GRIA4: variants seen among roughly 807,000 people sequenced by gnomAD.
GRIA4 encodes glutamate receptor 4.
A neutral mutation model predicts 104.0 loss-of-function variants in GRIA4; 34 were observed. That is an observed-to-expected ratio of 0.33 (90% CI 0.25 to 0.44). GRIA4 has a LOEUF of 0.44. Among genes scored for constraint, GRIA4 ranks in the 20% least tolerant of loss-of-function variants. The probability of loss-of-function intolerance (pLI) is 1.00; values close to 1 mark genes in which losing one functional copy is unlikely to be tolerated. For missense variants in GRIA4, 750 were observed against 1,096.5 expected (o/e 0.68, Z 4.46); for synonymous variants, 386 against 381.9 (o/e 1.01, Z -0.13).
intron 3 of GRIA4, among the ~76,000 whole-genome samples, chr11:105,705,148 T>C (rs1220190793): frequency 1.3e-5 from 2 of 152,096 alleles, no homozygotes; most frequent in African/African-American, 4.8e-5. Flanking sequence ...GGTAACACAT[T>C]TGGGGCATCA....
At chr11:105,796,682 A>G (rs4556513) in intron 4 of GRIA4, among the ~76,000 whole-genome samples, 20,452 of 152,160 alleles carry the variant, frequency 0.13, 1,487 homozygotes, top group Admixed American at 0.22. Context: ...TTAAGAAAGA[A>G]AAGTTATCGT....
intron 4 of GRIA4, among the ~76,000 whole-genome samples, chr11:105,804,792 A>C (rs1942875771): frequency 6.6e-6 from 1 of 151,950 alleles, no homozygotes; most frequent in Non-Finnish European, 1.5e-5. Flanking sequence ...TTACTTGAAA[A>C]CTATTTCTGT....
chr11:105,873,076 C>T (rs1945676217), intron 5 of GRIA4, among the ~76,000 whole-genome samples: 1 of 152,026 alleles, frequency 6.6e-6, no homozygotes, highest in Admixed American at 6.6e-5. Flanking sequence ...CCTCCACTAG[C>T]CCCCCACTCC....
intron 3 of GRIA4, among the ~76,000 whole-genome samples, chr11:105,743,207 C>T (rs1013389832): frequency 1.3e-5 from 2 of 152,064 alleles, no homozygotes; most frequent in African/African-American, 4.8e-5. Flanking sequence ...GCACTGAAAT[C>T]CCAAGGCATT....
chr11:105,707,539 A>G (rs1282270014), intron 3 of GRIA4: 1 of 152,216 alleles, frequency 6.6e-6, no homozygotes, highest in Non-Finnish European at 1.5e-5. Flanking sequence ...CATTGTTCTA[A>G]GAGAGAGTTG....
chr11:105,954,552 A>G (rs1168709059), intron 14 of GRIA4, among the ~76,000 whole-genome samples: 2 of 152,160 alleles, frequency 1.3e-5, no homozygotes, highest in Non-Finnish European at 1.5e-5. Flanking sequence ...AACATTATGT[A>G]TATGTATACT....
intron 11 of GRIA4, among the ~76,000 whole-genome samples, 175 bp from the exon 12 acceptor site, chr11:105,924,224 A>G (rs978385065): frequency 2.0e-5 from 3 of 152,204 alleles, no homozygotes; most frequent in Admixed American, 6.6e-5. Flanking sequence ...GTAATATCTT[A>G]TGAAAAAATT....
chr11:105,957,252 T>C (rs1948614755), intron 14 of GRIA4, among the ~76,000 whole-genome samples: 1 of 152,152 alleles, frequency 6.6e-6, no homozygotes, highest in Admixed American at 6.5e-5. Context: ...AGGTCTAACA[T>C]GTAAGTCTTT....
In GRIA4 at chr11:105,611,137, G is replaced by A. The variant is rs946141213; in HGVS notation, c.88+52G>A. 7 of 1,288,218 alleles carry A rather than the reference G, an allele frequency of 5.4e-6. No homozygotes were observed. The African/African-American group carries it at 8.7e-5, about 16-fold the overall frequency. 79.8% of individuals were successfully genotyped at this position (1,288,218 alleles called of 1,614,324 possible). On this transcript the variant is annotated intron_variant, in intron 2 of 16. Transcript: ENST00000282499. Reference sequence around the variant, plus strand: ...ATGTGGCTGGTTGTAGCAGATATCCGAAAGTGAGTTAAATGAGTTGCTGAT... The same window carrying A: ...ATGTGGCTGGTTGTAGCAGATATCCAAAAGTGAGTTAAATGAGTTGCTGAT...
At chr11:105,824,282 A>G (rs1349047641) in intron 4 of GRIA4, among the ~76,000 whole-genome samples, 4 of 152,180 alleles carry the variant, frequency 2.6e-5, no homozygotes, top group South Asian at 4.2e-4. Context: ...CTCACTCTCA[A>G]TGGCAACCAC....
rs564702475 is a variant in GRIA4, at chr11:105,842,088, C to A, written c.488-19936C>A. On this transcript the variant is annotated intron_variant, in intron 4 of 16. Transcript: ENST00000282499. ...AACATGAAAGGGGTGAGGGGAACAC[C>A]TGGTTTTCTGGGGAAAAGCATTCAA... is the stretch of plus-strand genomic sequence containing the variant. Among the ~76,000 whole-genome samples, 299 of 152,182 alleles carry A rather than the reference C, an allele frequency of 2.0e-3. 1 individual carries two copies. Among genetic ancestry groups the A allele is most frequent in the Admixed American group, 4.3e-3 (66 of 15,276 alleles).
chr11:105,846,381 T>C (rs1436990748), intron 4 of GRIA4, among the ~76,000 whole-genome samples: 5 of 152,174 alleles, frequency 3.3e-5, no homozygotes, highest in Non-Finnish European at 7.4e-5. Context: ...AATATTTACA[T>C]ACATATTCAT....
At chr11:105,868,385 T>C (rs188358336) in intron 5 of GRIA4, among the ~76,000 whole-genome samples, 1 of 152,170 alleles carries the variant, frequency 6.6e-6, no homozygotes, top group Non-Finnish European at 1.5e-5. Flanking sequence ...ATTCCTTGCA[T>C]TACACCAGTT....
At chr11:105,682,351 G>C (rs760317112) in intron 3 of GRIA4, among the ~76,000 whole-genome samples, 36 of 152,232 alleles carry the variant, frequency 2.4e-4, no homozygotes, top group Admixed American at 3.9e-4. Flanking sequence ...CTCCCAAGCA[G>C]CTGGGACTAC....
At chr11:105,862,703 T>C (rs1485498411) in intron 5 of GRIA4, 1 of 153,064 alleles carries the variant, frequency 6.5e-6, no homozygotes, top group Non-Finnish European at 1.5e-5. Context: ...GCATGTTTTC[T>C]GCTAGGTATT....
chr11:105,683,902 GTC>G (rs929225540), intron 3 of GRIA4, among the ~76,000 whole-genome samples: 1 of 151,736 alleles, frequency 6.6e-6, no homozygotes. Flanking sequence ...TTGAGATGGA[GTC>G]TCTCTCTGTC....
At chr11:105,659,206 G>A (rs11226820) in intron 3 of GRIA4, among the ~76,000 whole-genome samples, 78,589 of 151,584 alleles carry the variant, frequency 0.52, 20,642 homozygotes, top group Admixed American at 0.61. Flanking sequence ...CATCTTCCAG[G>A]TAAACTTGTT....
At chr11:105,841,030 C>T (rs1944373134) in intron 4 of GRIA4, among the ~76,000 whole-genome samples, 1 of 151,978 alleles carries the variant, frequency 6.6e-6, no homozygotes, top group Non-Finnish European at 1.5e-5. Flanking sequence ...ATTTAAAAGC[C>T]CTACAAATTT....
At chr11:105,743,814 A>T (rs1238320491) in intron 3 of GRIA4, among the ~76,000 whole-genome samples, 3 of 152,100 alleles carry the variant, frequency 2.0e-5, no homozygotes, top group Admixed American at 6.5e-5. Context: ...TACAAACAAG[A>T]AGTCATCTTT....
Sources: allele counts gnomAD v4.1 joint callset (sites outside exome capture counted in the v4.1 genomes callset), GRCh38; gene constraint gnomAD v4.1.1; transcripts MANE v1.5; gene names NCBI Gene and HGNC (gene_info 2026-07-23, HGNC 2026-07-21).